Variants in ZFP1 observed in about 807,000 individuals in gnomAD.
The protein encoded by ZFP1 is zinc finger protein 1 homolog.
Under a neutral mutation model 38.5 loss-of-function variants are expected in ZFP1, and 32 were observed. That is an observed-to-expected ratio of 0.83 (90% CI 0.63 to 1.12). The LOEUF is 1.12. Among genes scored for constraint, ZFP1 ranks in the 50% most tolerant of loss-of-function variants. The pLI is 0.00. For synonymous variants in ZFP1, 245 were observed against 168.8 expected (o/e 1.45, Z -3.50); for missense variants, 616 against 480.8 (o/e 1.28, Z -2.63).
At chr16:75,166,591 CTG>C in intron 2 of ZFP1, 177 bp from the exon 3 acceptor site, 1 of 985,106 alleles carries the variant, frequency 1.0e-6, no homozygotes, top group South Asian at 4.7e-5. Flanking sequence ...ATAGGGGAAT[CTG>C]AATAAATCTC....
At chr16:75,162,929 GGAA>G (rs2037858989) in intron 2 of ZFP1, among the ~76,000 whole-genome samples, 1 of 85,436 alleles carries the variant, frequency 1.2e-5, no homozygotes, top group South Asian at 3.6e-4. Flanking sequence ...TTTTTTTTTT[GGAA>G]ACAGTCTTGC....
the ZFP1 span, among the ~76,000 whole-genome samples, chr16:75,125,592 G>A: frequency 2.0e-5 from 3 of 152,028 alleles, no homozygotes; most frequent in African/African-American, 7.2e-5. Flanking sequence ...CAAAGTGCTG[G>A]GATTACAGGC....
intron 2 of ZFP1, among the ~76,000 whole-genome samples, chr16:75,163,561 G>A (rs1366298059): frequency 1.3e-5 from 2 of 151,312 alleles, no homozygotes; most frequent in Non-Finnish European, 1.5e-5. Flanking sequence ...ATCCACCTGC[G>A]TCGGCCTCCC....
intron 2 of ZFP1, among the ~76,000 whole-genome samples, chr16:75,153,545 AT>A (rs909322807): frequency 1.2e-4 from 19 of 152,042 alleles, no homozygotes; most frequent in African/African-American, 3.6e-4. Context: ...AATAGATTTC[AT>A]TTTTTTTAGA....
intron 2 of ZFP1, among the ~76,000 whole-genome samples, chr16:75,155,283 C>T (rs758008394): frequency 1.3e-5 from 2 of 152,146 alleles, no homozygotes; most frequent in African/African-American, 2.4e-5. Flanking sequence ...AGGCACATGC[C>T]GCCATGCTTA....
Position 75,170,506 on chromosome 16 carries a change from T to G in ZFP1, c.*172T>G. 1.0e-6 allele frequency: 1 copy of G among 963,944 alleles called. No homozygotes were observed. Among genetic ancestry groups the G allele is most frequent in the Non-Finnish European group, 1.4e-6 (1 of 705,910 alleles). The allele number at this position is 963,944 out of a possible 1,614,324, so 59.7% of individuals were successfully genotyped here. A position where few individuals can be genotyped will look rare whatever the true frequency, so the allele number is the denominator to read the frequency against. ...AGAACATTATACTGGAAGTTACATG[T>G]GATACCCAGCTAAAGAATACATATC... On this transcript the variant is annotated 3_prime_UTR_variant, in exon 4 of 4. Transcript: ENST00000570010.
the ZFP1 span, among the ~76,000 whole-genome samples, chr16:75,138,728 G>A: frequency 6.6e-6 from 1 of 152,258 alleles, no homozygotes; most frequent in Admixed American, 6.5e-5. Flanking sequence ...GCCAGCCGCA[G>A]CAGCGAGGGA....
the ZFP1 span, among the ~76,000 whole-genome samples, chr16:75,129,874 G>C: frequency 1.3e-5 from 2 of 152,210 alleles, no homozygotes; most frequent in African/African-American, 4.8e-5. Flanking sequence ...TTTAGAGCAG[G>C]AGTGAAATTT....
At chr16:75,151,988 A>G (rs1319094799) in intron 1 of ZFP1, among the ~76,000 whole-genome samples, 1 of 152,090 alleles carries the variant, frequency 6.6e-6, no homozygotes, top group Non-Finnish European at 1.5e-5. Flanking sequence ...TTTTTGCTTT[A>G]GTTGCTTTTT....
intron 2 of ZFP1, among the ~76,000 whole-genome samples, chr16:75,155,229 C>G (rs1191967406): frequency 6.6e-6 from 1 of 152,228 alleles, no homozygotes; most frequent in African/African-American, 2.4e-5. Context: ...TTGCTGGACT[C>G]AAGCAGTCCT....
At chr16:75,169,201 A>G (rs374914254) in intron 3 of ZFP1, 52 bp from the exon 4 acceptor site, 2 of 1,544,774 alleles carry the variant, frequency 1.3e-6, no homozygotes, top group Non-Finnish European at 8.7e-7. Context: ...ATTCGGTAAC[A>G]TTATAGCGGA....
At chr16:75,146,022 T>C (rs2036939196), upstream of ZFP1, among the ~76,000 whole-genome samples, 1 of 152,178 alleles carries the variant, frequency 6.6e-6, no homozygotes, top group South Asian at 2.1e-4. Flanking sequence ...TGGCACCCAC[T>C]TGCCTCTGTG....
the ZFP1 span, among the ~76,000 whole-genome samples, chr16:75,138,218 G>C: frequency 1.1e-4 from 16 of 151,812 alleles, no homozygotes; most frequent in Non-Finnish European, 1.9e-4. Flanking sequence ...TGTATTCTTA[G>C]TAGAGATGGG....
At chr16:75,133,258 G>C in the ZFP1 span, among the ~76,000 whole-genome samples, 2 of 152,194 alleles carry the variant, frequency 1.3e-5, no homozygotes, top group Non-Finnish European at 2.9e-5. Context: ...ATTACAGTGT[G>C]AGCCACCGTG....
At chr16:75,165,453 G>T (rs549750026) in intron 2 of ZFP1, among the ~76,000 whole-genome samples, 12 of 152,038 alleles carry the variant, frequency 7.9e-5, no homozygotes, top group African/African-American at 2.4e-4. Flanking sequence ...CAAGTGCAGT[G>T]GGGCAGTCTG....
chr16:75,138,722 G>A, the ZFP1 span, among the ~76,000 whole-genome samples: 1 of 152,252 alleles, frequency 6.6e-6, no homozygotes, highest in African/African-American at 2.4e-5. Context: ...TGCAGAGCCA[G>A]CCGCAGCAGC....
the ZFP1 span, among the ~76,000 whole-genome samples, chr16:75,133,961 A>T: frequency 6.6e-6 from 1 of 152,056 alleles, no homozygotes; most frequent in African/African-American, 2.4e-5. Context: ...AGGCAGGAGA[A>T]TCTCTTGAAC....
chr16:75,144,358 C>T (rs750612050), upstream of ZFP1, among the ~76,000 whole-genome samples: 2 of 152,084 alleles, frequency 1.3e-5, no homozygotes, highest in African/African-American at 2.4e-5. Context: ...TGAAATAACC[C>T]CCACGTGGGT....
Position 75,170,478 on chromosome 16 carries a change from A to T in ZFP1, c.*144A>T, listed in dbSNP as rs1043078088. The stretch of plus-strand genomic sequence containing the variant: ...AAAAATGTATTAAAAATAGGATCCC[A>T]TGAGAACATTATACTGGAAGTTACA... On this transcript the variant is annotated 3_prime_UTR_variant, in exon 4 of 4. Transcript: ENST00000570010. 1 of 1,228,288 alleles carries T rather than the reference A, an allele frequency of 8.1e-7. No individual in the cohort carries two copies. The highest frequency in any genetic ancestry group is 1.1e-6 in the Non-Finnish European group (1 of 932,586). The allele number at this position is 1,228,288 out of a possible 1,614,324, so 76.1% of individuals were successfully genotyped here. A position where few individuals can be genotyped will look rare whatever the true frequency, so the allele number is the denominator to read the frequency against.
Sources: gnomAD v4.1 joint callset for allele counts (sites outside exome capture counted in the v4.1 genomes callset) on GRCh38, gnomAD v4.1.1 for gene constraint, MANE v1.5 for transcripts, NCBI Gene and HGNC (gene_info 2026-07-23, HGNC 2026-07-21) for gene names.